PRKN: variants seen among roughly 807,000 people sequenced by gnomAD.
PRKN encodes the protein E3 ubiquitin-protein ligase parkin.
Under a neutral mutation model 59.5 loss-of-function variants are expected in PRKN, and 56 were observed. The ratio of observed to expected loss-of-function variants is 0.94; its 90% CI spans 0.76 to 1.18. The LOEUF is 1.18. PRKN is among the 50% of genes most tolerant of loss of function. The pLI is 0.00. For missense variants in PRKN, 657 were observed against 596.4 expected (o/e 1.10, Z -1.06); for synonymous variants, 250 against 222.1 (o/e 1.13, Z -1.12).
intron 1 of PRKN, among the ~76,000 whole-genome samples, chr6:162,645,353 A>G (rs1778125836): frequency 1.3e-5 from 2 of 152,294 alleles, no homozygotes; most frequent in South Asian, 4.1e-4. Flanking sequence ...CTTCAAGGAC[A>G]CCAGCTGATT....
chr6:162,443,275 C>A, intron 2 of PRKN, 35 bp downstream of exon 2: 2 of 1,608,600 alleles, frequency 1.2e-6, no homozygotes, highest in African/African-American at 1.3e-5. Context: ...ATGGAGCTGG[C>A]GGCATCCCAA....
At chr6:162,601,997 A>G (rs1781731866) in intron 1 of PRKN, among the ~76,000 whole-genome samples, 1 of 152,228 alleles carries the variant, frequency 6.6e-6, no homozygotes. Context: ...GATTGGGAGT[A>G]CAGGAACACA....
At position 162,294,412 on chromosome 6, in the gene PRKN, G is replaced by T. The variant is rs372470010; in HGVS notation, c.172-31647C>A. On this transcript the variant is annotated intron_variant, in intron 2 of 11. Transcript: ENST00000366898. The stretch of plus-strand genomic sequence containing the variant: ...ATTAAACCTCTTCCTCAATGTCAAT[G>T]TCAGGCAGAGAAGAACCTGTGGCTT... 1.6e-4 allele frequency among the ~76,000 whole-genome samples: 25 copies of T among 152,306 alleles called. 1 individual carries two copies. The highest frequency in any genetic ancestry group is 5.3e-4 in the African/African-American group (22 of 41,574).
chr6:162,703,676 G>T (rs562188208), intron 1 of PRKN, among the ~76,000 whole-genome samples: 1 of 152,300 alleles, frequency 6.6e-6, no homozygotes, highest in South Asian at 2.1e-4. Flanking sequence ...GATGAGGAAG[G>T]CTGTGCACAG....
chr6:162,615,840 T>C (rs1782386697), intron 1 of PRKN, among the ~76,000 whole-genome samples: 1 of 151,786 alleles, frequency 6.6e-6, no homozygotes, highest in Admixed American at 6.6e-5. Context: ...GTTTTGTTCA[T>C]TCACTCACAC....
At position 162,407,154 on chromosome 6, in the gene PRKN, C is replaced by CCCA. The variant is rs1788111968; in HGVS notation, c.171+36155_171+36156insTGG. ...CTACTCTATTCCCTCACTGCTCTTGCCCTCACTCACTTAAAATACTTTTAT... is the reference window on the plus strand; with the variant it reads ...CTACTCTATTCCCTCACTGCTCTTGCCCACCTCACTCACTTAAAATACTTTTAT... On this transcript the variant is annotated intron_variant, in intron 2 of 11. Transcript: ENST00000366898. Among the ~76,000 whole-genome samples, 3 of 152,264 alleles carry CCCA rather than the reference C, an allele frequency of 2.0e-5. No individual in the cohort carries two copies. The South Asian group carries it at 6.2e-4, about 32-fold the overall frequency.
At chr6:161,817,853 C>T (rs1791856295) in intron 6 of PRKN, among the ~76,000 whole-genome samples, 1 of 152,090 alleles carries the variant, frequency 6.6e-6, no homozygotes, top group South Asian at 2.1e-4. Context: ...AGAACTTGAC[C>T]TGCCAAGCTT....
intron 7 of PRKN, among the ~76,000 whole-genome samples, chr6:161,756,385 T>C (rs1788919879): frequency 7.8e-6 from 1 of 127,534 alleles, no homozygotes; most frequent in African/African-American, 3.1e-5. Context: ...GAGGCTGCAG[T>C]GAGCTGAGAT....
At chr6:162,361,651 T>C (rs1042442669) in intron 2 of PRKN, among the ~76,000 whole-genome samples, 1 of 152,218 alleles carries the variant, frequency 6.6e-6, no homozygotes, top group African/African-American at 2.4e-5. Context: ...GGCTTGTCTT[T>C]TAATTATTCT....
At chr6:161,990,373 T>C (rs1275535334) in intron 5 of PRKN, among the ~76,000 whole-genome samples, 1 of 135,422 alleles carries the variant, frequency 7.4e-6, no homozygotes, top group Non-Finnish European at 1.6e-5. Context: ...ACATTATAAA[T>C]ACATCTGTAG....
chr6:161,981,264 A>G (rs1291233601), intron 5 of PRKN, among the ~76,000 whole-genome samples: 1 of 152,246 alleles, frequency 6.6e-6, no homozygotes, highest in Non-Finnish European at 1.5e-5. Context: ...TCCAGGCTAG[A>G]ATAGTTCCTC....
At chr6:161,535,923 A>G (rs1241928338) in intron 9 of PRKN, among the ~76,000 whole-genome samples, 2 of 150,876 alleles carry the variant, frequency 1.3e-5, no homozygotes, top group Non-Finnish European at 2.9e-5. Context: ...AATGGAGCCT[A>G]CTACAATCCA....
At chr6:161,970,600 C>A (rs1195964269) in intron 6 of PRKN, among the ~76,000 whole-genome samples, 3 of 151,626 alleles carry the variant, frequency 2.0e-5, no homozygotes, top group Non-Finnish European at 4.4e-5. Flanking sequence ...CGCAGTGGTA[C>A]AATCTTGGCT....
At chr6:161,897,966 CAAAA>C (rs55714271) in intron 6 of PRKN, among the ~76,000 whole-genome samples, 7 of 38,298 alleles carry the variant, frequency 1.8e-4, no homozygotes, top group Non-Finnish European at 2.7e-4. Flanking sequence ...GACTCCGTCT[CAAAA>C]AAAAAAAAAA....
At chr6:161,849,884 A>G (rs1793353794) in intron 6 of PRKN, among the ~76,000 whole-genome samples, 1 of 152,192 alleles carries the variant, frequency 6.6e-6, no homozygotes, top group African/African-American at 2.4e-5. Context: ...CAAAATTATT[A>G]CCAGCACCCC....
rs550207534 is a variant in PRKN, at chr6:161,555,889, A to C, written c.934-6886T>G. The stretch of plus-strand genomic sequence containing the variant: ...CTAATAAGATAATCAATAGCAATGG[A>C]AATTAATAACAGTAACTCAGGATTA... On this transcript the variant is annotated intron_variant, in intron 8 of 11. Coordinates refer to ENST00000366898, the MANE Select transcript of PRKN (RefSeq NM_004562.3). Among the ~76,000 whole-genome samples, 18 of 152,346 alleles carry C rather than the reference A, an allele frequency of 1.2e-4. 1 individual carries two copies. In the South Asian group the frequency reaches 2.3e-3, roughly 19 times the overall value.
In PRKN at chr6:161,429,988, C is replaced by T. The variant is rs1478307037; in HGVS notation, c.1084-43111G>A. On this transcript the variant is annotated intron_variant, in intron 9 of 11. Coordinates refer to ENST00000366898, the MANE Select transcript of PRKN (RefSeq NM_004562.3). The surrounding 1 kb of genome is among the most constrained non-coding windows in gnomAD (Gnocchi z 4.2). Reference sequence around the variant, plus strand: ...CATTATTTACAGCAATATCTTTTTTCCTGTGCTGGTTTCTCAAATCCCAGT... The same window carrying T: ...CATTATTTACAGCAATATCTTTTTTTCTGTGCTGGTTTCTCAAATCCCAGT... Among the ~76,000 whole-genome samples, 3 of 152,124 alleles carry T rather than the reference C, an allele frequency of 2.0e-5. No individual in the cohort carries two copies. The highest frequency in any genetic ancestry group is 7.2e-5 in the African/African-American group (3 of 41,400).
At chr6:162,485,987 C>T (rs867601129) in intron 1 of PRKN, among the ~76,000 whole-genome samples, 2 of 152,128 alleles carry the variant, frequency 1.3e-5, no homozygotes, top group Non-Finnish European at 2.9e-5. Context: ...TCACACAAAT[C>T]GCTAACAAAT....
At chr6:162,292,909 G>C (rs540143740) in intron 2 of PRKN, among the ~76,000 whole-genome samples, 1 of 152,238 alleles carries the variant, frequency 6.6e-6, no homozygotes, top group African/African-American at 2.4e-5. Flanking sequence ...CAATACTGTA[G>C]GTATGGCCCC....
Sources: gnomAD v4.1 joint callset for allele counts (sites outside exome capture counted in the v4.1 genomes callset) on GRCh38, gnomAD v4.1.1 for gene constraint, Gnocchi (gnomAD v3.1) non-coding constraint, MANE v1.5 for transcripts, NCBI Gene and HGNC (gene_info 2026-07-23, HGNC 2026-07-21) for gene names.